The following UBE2D1 variants were observed in gnomAD, a reference collection of about 807,000 sequenced individuals.
UBE2D1 encodes ubiquitin conjugating enzyme E2 D1, also known as ubiquitin-conjugating enzyme E2 D1.
UBE2D1 carries 9 observed loss-of-function variants against 24.6 expected under a neutral mutation model. The ratio of observed to expected loss-of-function variants is 0.37; its 90% CI spans 0.22 to 0.64. The LOEUF is 0.64. Ranked by LOEUF, UBE2D1 falls within the 30% of genes least tolerant of loss-of-function variation. The probability of loss-of-function intolerance (pLI) is 0.64; values close to 1 mark genes in which losing one functional copy is unlikely to be tolerated. For synonymous variants in UBE2D1, 57 were observed against 57.6 expected, an observed-to-expected ratio of 0.99 and a Z score of 0.04; for missense variants, 87 against 177.1, an observed-to-expected ratio of 0.49 and a Z score of 2.89.
chr10:58,338,143 G>T (rs924578892), intron 1 of UBE2D1, among the ~76,000 whole-genome samples: 1 of 151,994 alleles, frequency 6.6e-6, no homozygotes, highest in Admixed American at 6.6e-5. Context: ...CACCACACCC[G>T]GCCAATAATC....
At chr10:58,359,013 TAAAA>T (rs35713196) in intron 1 of UBE2D1, among the ~76,000 whole-genome samples, 1 of 115,168 alleles carries the variant, frequency 8.7e-6, no homozygotes, top group African/African-American at 3.4e-5. Flanking sequence ...ACCAGCTATT[TAAAA>T]AAAAAAAAAA....
intron 1 of UBE2D1, chr10:58,360,921 C>CA (rs72051070): frequency 0.045 from 17,184 of 382,928 alleles, no homozygotes; most frequent in South Asian, 0.056. Flanking sequence ...GATCCTGTCT[C>CA]AAAAAAAAAA....
chr10:58,363,089 G>T (rs2132331648), intron 3 of UBE2D1, among the ~76,000 whole-genome samples: 1 of 152,156 alleles, frequency 6.6e-6, no homozygotes, highest in South Asian at 2.1e-4. Flanking sequence ...ACTAAACGAA[G>T]ATTTGGCACA....
intron 5 of UBE2D1, among the ~76,000 whole-genome samples, chr10:58,366,868 C>T (rs1407025618): frequency 6.6e-6 from 1 of 152,056 alleles, no homozygotes; most frequent in Non-Finnish European, 1.5e-5. Flanking sequence ...AGGCACATAC[C>T]ACCATTGCCT....
At chr10:58,357,131 C>T (rs1840140227) in intron 1 of UBE2D1, among the ~76,000 whole-genome samples, 3 of 152,090 alleles carry the variant, frequency 2.0e-5, no homozygotes. Context: ...TAAGTCCTGG[C>T]TCTTCAGAGG....
intron 1 of UBE2D1, among the ~76,000 whole-genome samples, chr10:58,340,801 T>C (rs1351514482): frequency 3.3e-5 from 5 of 152,208 alleles, no homozygotes; most frequent in Non-Finnish European, 7.4e-5. Context: ...TTAATGTGTC[T>C]TATGTAATTC....
chr10:58,337,977 G>T (rs1261633344), intron 1 of UBE2D1, among the ~76,000 whole-genome samples: 1 of 152,018 alleles, frequency 6.6e-6, no homozygotes, highest in South Asian at 2.1e-4. Flanking sequence ...CTCCTGAGTA[G>T]CTGGGACTAC....
intron 1 of UBE2D1, among the ~76,000 whole-genome samples, chr10:58,354,390 A>G (rs1404734071): frequency 6.6e-6 from 1 of 151,738 alleles, no homozygotes; most frequent in Non-Finnish European, 1.5e-5. Flanking sequence ...GTCAGGTTAT[A>G]CCTGCAGTTC....
chr10:58,352,265 A>G (rs1731373034), intron 1 of UBE2D1, among the ~76,000 whole-genome samples: 1 of 152,088 alleles, frequency 6.6e-6, no homozygotes, highest in Non-Finnish European at 1.5e-5. Flanking sequence ...CAGTGATGAT[A>G]TGCTAAGTTA....
In UBE2D1 at chr10:58,365,961, T is replaced by G. The variant is rs370402006; in HGVS notation, c.304+1085T>G. 2.5e-4 allele frequency among the ~76,000 whole-genome samples: 38 copies of G among 152,328 alleles called. 2 individuals carry two copies. In the South Asian group the frequency reaches 7.9e-3, roughly 32 times the overall value. ...TTAGATAAATAATAGCTCTTTCAGT[T>G]CAATTATTTATGAACGATAGTTTTT... On this transcript the variant is annotated intron_variant, in intron 5 of 6. Transcript: ENST00000373910.
intron 1 of UBE2D1, among the ~76,000 whole-genome samples, chr10:58,356,789 A>C (rs1840136112): frequency 6.6e-6 from 1 of 152,158 alleles, no homozygotes; most frequent in Admixed American, 6.5e-5. Context: ...TTAACTATAC[A>C]TTGCTCGCTC....
chr10:58,341,592 C>T (rs1293211671), intron 1 of UBE2D1, among the ~76,000 whole-genome samples: 2 of 152,112 alleles, frequency 1.3e-5, no homozygotes, highest in African/African-American at 2.4e-5. Context: ...CTAAATAAAG[C>T]TGTTTATGCC....
intron 1 of UBE2D1, among the ~76,000 whole-genome samples, chr10:58,349,260 T>C (rs998847269): frequency 1.9e-4 from 29 of 152,176 alleles, no homozygotes; most frequent in Admixed American, 6.5e-5. Context: ...GTTTTTTTAT[T>C]TGAATATTAA....
chr10:58,368,824 T>C lies in UBE2D1; in HGVS notation c.*59T>C, dbSNP rs991139764. 8 of 1,234,664 alleles carry C rather than the reference T, an allele frequency of 6.5e-6. No homozygotes were observed. In the African/African-American group the frequency reaches 1.1e-4, roughly 17 times the overall value. The allele number at this position is 1,234,664 out of a possible 1,614,324, so 76.5% of individuals were successfully genotyped here. On this transcript the variant is annotated 3_prime_UTR_variant, in exon 7 of 7. Transcript: ENST00000373910. ...TGTAAAATCTAGGTTTTTTTCAACA[T>C]TAGCAGTAAATTGAGCACTGTTTAC...
chr10:58,362,306 C>T (rs11006121), intron 3 of UBE2D1, among the ~76,000 whole-genome samples: 67,670 of 151,862 alleles, frequency 0.45, 15,433 homozygotes, highest in African/African-American at 0.56. Flanking sequence ...TAGTGAGTTA[C>T]AGAGTTTTTA....
intron 1 of UBE2D1, among the ~76,000 whole-genome samples, chr10:58,335,825 G>T (rs1232229858): frequency 6.6e-6 from 1 of 152,174 alleles, no homozygotes; most frequent in Non-Finnish European, 1.5e-5. Context: ...TGGTGCCTCT[G>T]CTGCTGCCAC....
chr10:58,364,542 A>G, intron 4 of UBE2D1: 1 of 454,802 alleles, frequency 2.2e-6, no homozygotes, highest in Non-Finnish European at 3.9e-6. Flanking sequence ...AATACTCTTC[A>G]GTTCCTTTGA....
intron 1 of UBE2D1, among the ~76,000 whole-genome samples, chr10:58,338,997 T>G (rs564009216): frequency 6.6e-6 from 1 of 152,314 alleles, no homozygotes; most frequent in African/African-American, 2.4e-5. Context: ...AGCTGCTGAA[T>G]TTTTTTGATT....
At chr10:58,352,148 G>T (rs1376663139) in intron 1 of UBE2D1, among the ~76,000 whole-genome samples, 1 of 151,748 alleles carries the variant, frequency 6.6e-6, no homozygotes, top group African/African-American at 2.4e-5. Context: ...TCAACACATT[G>T]TCACAGTAGC....
Sources: allele counts gnomAD v4.1 joint callset (sites outside exome capture counted in the v4.1 genomes callset), GRCh38; gene constraint gnomAD v4.1.1; transcripts MANE v1.5; gene names NCBI Gene and HGNC (gene_info 2026-07-23, HGNC 2026-07-21).